NELL1: variants seen among roughly 807,000 people sequenced by gnomAD.
NELL1 encodes protein kinase C-binding protein NELL1.
NELL1 carries 76 observed loss-of-function variants against 107.4 expected under a neutral mutation model. The observed-to-expected ratio is 0.71, with a 90% confidence interval of 0.59 to 0.86. The LOEUF (loss-of-function observed/expected upper bound fraction) is 0.86, where lower values mean the gene tolerates loss of function less well. Among genes scored for constraint, NELL1 ranks in the 40% least tolerant of loss-of-function variants. The pLI, the probability that NELL1 is intolerant of heterozygous loss-of-function variation, is 0.00. For synonymous variants in NELL1, 353 were observed against 341.2 expected, an observed-to-expected ratio of 1.03 and a Z score of -0.38; for missense variants, 1,024 against 1,005.5, an observed-to-expected ratio of 1.02 and a Z score of -0.25.
intron 13 of NELL1, among the ~76,000 whole-genome samples, chr11:21,216,538 G>A (rs184435746): frequency 3.0e-3 from 458 of 152,328 alleles, no homozygotes; most frequent in Non-Finnish European, 4.4e-3. Context: ...GGCTGGAGCT[G>A]CTCAACACCA....
At chr11:20,872,234 C>T (rs1849215705) in intron 4 of NELL1, among the ~76,000 whole-genome samples, 1 of 144,770 alleles carries the variant, frequency 6.9e-6, no homozygotes, top group Admixed American at 7.1e-5. Context: ...AGTGCAGTGG[C>T]ACAATCTGGG....
At chr11:21,168,920 G>A (rs1370961227) in intron 13 of NELL1, among the ~76,000 whole-genome samples, 1 of 151,920 alleles carries the variant, frequency 6.6e-6, no homozygotes. Context: ...TCCTACGAGA[G>A]GACTTTATTG....
intron 2 of NELL1, among the ~76,000 whole-genome samples, chr11:20,681,147 T>G (rs558917501): frequency 1.3e-5 from 2 of 152,174 alleles, no homozygotes; most frequent in African/African-American, 2.4e-5. Flanking sequence ...TGTCTCCTTT[T>G]ATTGTGTTTT....
At chr11:21,067,633 A>G (rs1853908338) in intron 12 of NELL1, among the ~76,000 whole-genome samples, 2 of 152,208 alleles carry the variant, frequency 1.3e-5, no homozygotes, top group Non-Finnish European at 2.9e-5. Context: ...CTGCAGGTGA[A>G]TTGCAAAATG....
intron 14 of NELL1, among the ~76,000 whole-genome samples, chr11:21,234,209 C>A (rs1290312430): frequency 6.6e-6 from 1 of 152,166 alleles, no homozygotes. Context: ...CAAGCATGGG[C>A]TCCTAGTTCG....
chr11:21,537,318 T>C (rs911490850), intron 16 of NELL1, among the ~76,000 whole-genome samples: 2 of 152,150 alleles, frequency 1.3e-5, no homozygotes, highest in African/African-American at 4.8e-5. Context: ...TGGTTTTAGA[T>C]GATATTGTTC....
chr11:20,688,996 G>A (rs1294062950), intron 2 of NELL1, among the ~76,000 whole-genome samples: 1 of 152,074 alleles, frequency 6.6e-6, no homozygotes, highest in African/African-American at 2.4e-5. Flanking sequence ...TTGTGGTTTG[G>A]ATTTGCATCT....
intron 12 of NELL1, among the ~76,000 whole-genome samples, chr11:21,067,565 G>A (rs937482990): frequency 6.6e-6 from 1 of 152,176 alleles, no homozygotes; most frequent in Non-Finnish European, 1.5e-5. Context: ...ATTTTACAGA[G>A]AGGAAGTTCT....
chr11:21,499,799 G>T (rs1855089544), intron 15 of NELL1, among the ~76,000 whole-genome samples: 1 of 152,116 alleles, frequency 6.6e-6, no homozygotes, highest in Non-Finnish European at 1.5e-5. Context: ...TCTTTTGAGT[G>T]CCAAGGTTGC....
chr11:21,138,556 C>T (rs1020425523), intron 13 of NELL1, among the ~76,000 whole-genome samples: 1 of 152,110 alleles, frequency 6.6e-6, no homozygotes, highest in Non-Finnish European at 1.5e-5. Context: ...CTGCCCCCTA[C>T]CTTGCTGGAA....
At chr11:21,170,297 C>T (rs952506338) in intron 13 of NELL1, among the ~76,000 whole-genome samples, 3 of 151,644 alleles carry the variant, frequency 2.0e-5, no homozygotes, top group African/African-American at 7.3e-5. Flanking sequence ...GTAGCTCTCT[C>T]TTATATTGCT....
chr11:20,732,268 A>C (rs72942746), intron 2 of NELL1, among the ~76,000 whole-genome samples: 1 of 151,838 alleles, frequency 6.6e-6, no homozygotes, highest in African/African-American at 2.4e-5. Flanking sequence ...CTTATGCTTC[A>C]TGAATCTGAA....
intron 15 of NELL1, among the ~76,000 whole-genome samples, chr11:21,423,959 C>G (rs998325413): frequency 6.6e-6 from 1 of 152,162 alleles, no homozygotes; most frequent in Non-Finnish European, 1.5e-5. Flanking sequence ...CCCAAAGTTA[C>G]AGCATGTGCT....
intron 12 of NELL1, among the ~76,000 whole-genome samples, chr11:20,987,572 A>G (rs1014534613): frequency 4.6e-5 from 7 of 152,168 alleles, no homozygotes; most frequent in Non-Finnish European, 7.3e-5. Flanking sequence ...TTATAAAACC[A>G]TCATATTTTG....
intron 14 of NELL1, among the ~76,000 whole-genome samples, chr11:21,303,119 T>TA (rs1407279078): frequency 2.0e-5 from 3 of 151,488 alleles, no homozygotes; most frequent in Non-Finnish European, 2.9e-5. Context: ...TATATCTATC[T>TA]TCTGTCTATC....
intron 12 of NELL1, among the ~76,000 whole-genome samples, chr11:20,985,411 G>GT (rs1201193689): frequency 6.6e-6 from 1 of 152,082 alleles, no homozygotes; most frequent in East Asian, 1.9e-4. Context: ...TTGCTGAGTG[G>GT]TAAGTAGAAC....
intron 12 of NELL1, among the ~76,000 whole-genome samples, chr11:21,100,170 C>A (rs934467413): frequency 2.6e-5 from 4 of 151,984 alleles, no homozygotes; most frequent in African/African-American, 7.3e-5. Context: ...ACATGCAGCA[C>A]CACGCCTGGA....
chr11:21,543,311 C>A (rs943041521), intron 16 of NELL1, among the ~76,000 whole-genome samples: 5 of 152,000 alleles, frequency 3.3e-5, no homozygotes, highest in African/African-American at 1.2e-4. Flanking sequence ...TTGCTTAAGG[C>A]AGATGCCACT....
rs115951006 is a variant in NELL1, at chr11:21,528,339, G to A, written c.1646-6035G>A. Among the ~76,000 whole-genome samples, 1,355 of 152,200 alleles carry A rather than the reference G, an allele frequency of 8.9e-3. 26 individuals are homozygous for A. Among genetic ancestry groups the A allele is most frequent in the African/African-American group, 0.031 (1,301 of 41,520 alleles). On this transcript the variant is annotated intron_variant, in intron 15 of 19. Transcript: ENST00000357134. ...AGTGTGGAGTGTTAGGAGGGGGGCC[G>A]AGTAGGAGGTGTTTGGGTCATGGAG...
Sources: allele counts gnomAD v4.1 joint callset (sites outside exome capture counted in the v4.1 genomes callset), GRCh38; gene constraint gnomAD v4.1.1; transcripts MANE v1.5; gene names NCBI Gene and HGNC (gene_info 2026-07-23, HGNC 2026-07-21).